Variants in FAM118B observed in about 807,000 individuals in gnomAD.
The protein encoded by FAM118B is SIR2 antiphage like 1, also known as protein FAM118B.
A neutral mutation model predicts 38.5 loss-of-function variants in FAM118B; 24 were observed. That is an observed-to-expected ratio of 0.62 (90% CI 0.45 to 0.88). The LOEUF is 0.88. Ranked by LOEUF, FAM118B falls within the 40% of genes least tolerant of loss-of-function variation. The probability of loss-of-function intolerance (pLI) is 0.00; values close to 1 mark genes in which losing one functional copy is unlikely to be tolerated. For synonymous variants in FAM118B, 138 were observed against 156.3 expected (o/e 0.88, Z 0.87); for missense variants, 334 against 420.0 (o/e 0.80, Z 1.79).
At position 126,252,047 on chromosome 11, in the gene FAM118B, C is replaced by T. The variant is rs1591525008; in HGVS notation, c.567+1314C>T. On this transcript the variant is annotated intron_variant, in intron 5 of 8. Coordinates refer to ENST00000533050, the MANE Select transcript of FAM118B (RefSeq NM_024556.4). This position sits in a 1 kb window ranked among gnomAD's most constrained non-coding sequence, Gnocchi z 4.7. ...TGTCGCCCAGGCTGAAGTGCAATGG[C>T]ATGATCTCAGCTCACTGCAACCTCC... 6.6e-6 allele frequency among the ~76,000 whole-genome samples: 1 copy of T among 151,878 alleles called. No individual in the cohort carries two copies. Among genetic ancestry groups the T allele is most frequent in the East Asian group, 1.9e-4 (1 of 5,154 alleles).
intron 3 of FAM118B, 58 bp downstream of exon 3, chr11:126,235,145 A>G: frequency 1.4e-6 from 2 of 1,427,622 alleles, no homozygotes; most frequent in Non-Finnish European, 2.0e-6. Flanking sequence ...AGAAAGAAAA[A>G]TAGCCAACTT....
At position 126,253,119 on chromosome 11, in the gene FAM118B, T is replaced by C. The variant is rs1037860221; in HGVS notation, c.568-1186T>C. 2.0e-5 allele frequency among the ~76,000 whole-genome samples: 3 copies of C among 152,246 alleles called. No homozygotes were observed. Among genetic ancestry groups the C allele is most frequent in the Non-Finnish European group, 2.9e-5 (2 of 68,054 alleles). ...AAAATTTCCAAAGATTATGACCAAGTGTGTTCATGGATATCAGAAGCATAA... is the reference window on the plus strand; with the variant it reads ...AAAATTTCCAAAGATTATGACCAAGCGTGTTCATGGATATCAGAAGCATAA... On this transcript the variant is annotated intron_variant, in intron 5 of 8. Coordinates refer to ENST00000533050, the MANE Select transcript of FAM118B (RefSeq NM_024556.4). This position sits in a 1 kb window ranked among gnomAD's most constrained non-coding sequence, Gnocchi z 5.1.
chr11:126,232,287 G>C lies in FAM118B; in HGVS notation c.-7-2708G>C, dbSNP rs544389507. 1.2e-4 allele frequency among the ~76,000 whole-genome samples: 19 copies of C among 152,274 alleles called. No individual in the cohort carries two copies. The South Asian group carries it at 3.9e-3, about 32-fold the overall frequency. On this transcript the variant is annotated intron_variant, in intron 2 of 8. Transcript: ENST00000533050. ...ATAGTGTAGTTAAGAACTTGGACTT[G>C]AGAGGCACAGTTGCCATGGTTTGAA...
chr11:126,226,183 T>G (rs530492725), intron 1 of FAM118B, among the ~76,000 whole-genome samples: 5 of 82,404 alleles, frequency 6.1e-5, no homozygotes, highest in African/African-American at 2.8e-4. Context: ...TTCCTATCAC[T>G]GTGAGTTAGG....
intron 1 of FAM118B, among the ~76,000 whole-genome samples, chr11:126,222,040 C>T (rs1950070408): frequency 6.6e-6 from 1 of 151,916 alleles, no homozygotes; most frequent in Non-Finnish European, 1.5e-5. Flanking sequence ...TGGCCCACGG[C>T]TTGTTCGTTT....
chr11:126,215,449 A>G (rs1949965674), intron 1 of FAM118B, among the ~76,000 whole-genome samples: 1 of 152,192 alleles, frequency 6.6e-6, no homozygotes. Context: ...CTGTAACCCT[A>G]GCACTTTGGG....
intron 6 of FAM118B, among the ~76,000 whole-genome samples, chr11:126,254,795 C>A (rs1424457162): frequency 6.6e-6 from 1 of 152,146 alleles, no homozygotes; most frequent in Non-Finnish European, 1.5e-5. Context: ...CCACTGCACT[C>A]CAGCTTGGGT....
intron 1 of FAM118B, among the ~76,000 whole-genome samples, chr11:126,224,406 G>T (rs757442374): frequency 6.7e-5 from 10 of 148,604 alleles, no homozygotes; most frequent in Non-Finnish European, 1.5e-4. Flanking sequence ...CCCCGTGGAG[G>T]TCAAGGCTAC....
chr11:126,221,112 G>A (rs1351218343), intron 1 of FAM118B, among the ~76,000 whole-genome samples: 5 of 152,146 alleles, frequency 3.3e-5, no homozygotes, highest in East Asian at 1.9e-4. Context: ...GCTTGAACCC[G>A]GGAGGCAGAG....
At chr11:126,214,488 CTGTTTTTTTTTTTTGTTTTTTTTT>C (rs1279395329) in intron 1 of FAM118B, 2 of 34,856 alleles carry the variant, frequency 5.7e-5, no homozygotes, top group African/African-American at 9.6e-5. Context: ...TCTTTTGTTT[CTGTTTTTTTTTTTTGTTTTTTTTT>C]TGTTTTTTTT....
At position 126,255,567 on chromosome 11, in the gene FAM118B, T is replaced by C. The variant is rs755977543; in HGVS notation, c.697-1000T>C. Among the ~76,000 whole-genome samples, 24 of 152,216 alleles carry C rather than the reference T, an allele frequency of 1.6e-4. No homozygotes were observed. Among genetic ancestry groups the C allele is most frequent in the Non-Finnish European group, 2.6e-4 (18 of 68,042 alleles). ...CAAATCCGATGATGGAATTATCTTC[T>C]CTGGTGATTCACAGTTCAGTTTGTG... On this transcript the variant is annotated intron_variant, in intron 6 of 8. Transcript: ENST00000533050. The surrounding 1 kb of genome is among the most constrained non-coding windows in gnomAD (Gnocchi z 4.6).
Position 126,224,086 on chromosome 11 carries a change from T to A in FAM118B, c.-76-5139T>A, listed in dbSNP as rs144019544. Among the ~76,000 whole-genome samples the A allele has an allele frequency of 3.0e-3, 455 of 152,324 alleles. 2 individuals are homozygous for A. Among genetic ancestry groups the A allele is most frequent in the African/African-American group, 9.5e-3 (393 of 41,556 alleles). On this transcript the variant is annotated intron_variant, in intron 1 of 8. Coordinates refer to ENST00000533050, the MANE Select transcript of FAM118B (RefSeq NM_024556.4). ...AATGCCTACTGTGTGGCAGGCACTG[T>A]TCTGCACTTTTAGACTATATCCATA...
chr11:126,217,143 A>G (rs595660), intron 1 of FAM118B, among the ~76,000 whole-genome samples: 110,708 of 152,242 alleles, frequency 0.73, 41,335 homozygotes, highest in East Asian at 1. Flanking sequence ...ACAAACGGGT[A>G]GCCTCAGCCA....
chr11:126,215,623 G>A (rs1949968040), intron 1 of FAM118B, among the ~76,000 whole-genome samples: 1 of 151,422 alleles, frequency 6.6e-6, no homozygotes, highest in African/African-American at 2.4e-5. Flanking sequence ...CGTGAACCCA[G>A]GAGGCAGAGC....
At chr11:126,234,924 A>G in intron 2 of FAM118B, 71 bp from the exon 3 acceptor site, 2 of 1,242,476 alleles carry the variant, frequency 1.6e-6, no homozygotes, top group Non-Finnish European at 2.3e-6. Flanking sequence ...TAAACTGTTT[A>G]ATATATGTGC....
At chr11:126,260,832 T>TA (rs1190567388) in intron 7 of FAM118B, 1 of 152,354 alleles carries the variant, frequency 6.6e-6, no homozygotes, top group Non-Finnish European at 1.5e-5. Flanking sequence ...TGCCAAGTGT[T>TA]ATCCAGTAGA....
intron 1 of FAM118B, among the ~76,000 whole-genome samples, chr11:126,222,741 T>C (rs1297139312): frequency 1.3e-5 from 2 of 152,216 alleles, no homozygotes; most frequent in African/African-American, 4.8e-5. Flanking sequence ...TCCCTTAGAC[T>C]TTAATTAATG....
chr11:126,213,500 C>T (rs1157712570), intron 1 of FAM118B, among the ~76,000 whole-genome samples: 1 of 152,210 alleles, frequency 6.6e-6, no homozygotes, highest in African/African-American at 2.4e-5. Flanking sequence ...ACCTTCCATG[C>T]TCCAGACCTA....
rs1240255902 is a variant in FAM118B, at chr11:126,214,512, T to G, written c.-77+2682T>G. On this transcript the variant is annotated intron_variant, in intron 1 of 8. Coordinates refer to ENST00000533050, the MANE Select transcript of FAM118B (RefSeq NM_024556.4). Reference sequence around the variant, plus strand: ...TCTGTTTTTTTTTTTTGTTTTTTTTTTGTTTTTTTTTTTTTACCTCTATAT... The same window carrying G: ...TCTGTTTTTTTTTTTTGTTTTTTTTGTGTTTTTTTTTTTTTACCTCTATAT... The G allele has an allele frequency of 1.3e-4, 6 of 44,686 alleles. 1 individual carries two copies. The highest frequency in any genetic ancestry group is 3.9e-4 in the African/African-American group (6 of 15,392). 2.8% of individuals were successfully genotyped at this position (44,686 alleles called of 1,614,324 possible).
Sources: gnomAD v4.1 joint callset for allele counts (sites outside exome capture counted in the v4.1 genomes callset) on GRCh38, gnomAD v4.1.1 for gene constraint, Gnocchi (gnomAD v3.1) non-coding constraint, MANE v1.5 for transcripts, NCBI Gene and HGNC (gene_info 2026-07-23, HGNC 2026-07-21) for gene names.